The following GALNTL6 variants were observed in gnomAD, a reference collection of about 807,000 sequenced individuals.
The protein encoded by GALNTL6 is polypeptide N-acetylgalactosaminyltransferase-like 6.
A neutral mutation model predicts 73.7 loss-of-function variants in GALNTL6; 46 were observed. The observed-to-expected ratio is 0.62, with a 90% CI of 0.49 to 0.80. The LOEUF is 0.80. Among genes scored for constraint, GALNTL6 ranks in the 30% least tolerant of loss-of-function variants. The probability of loss-of-function intolerance (pLI) is 0.00; values close to 1 mark genes in which losing one functional copy is unlikely to be tolerated. For missense variants in GALNTL6, 604 were observed against 755.0 expected, an observed-to-expected ratio of 0.80 and a Z score of 2.34; for synonymous variants, 259 against 263.7, an observed-to-expected ratio of 0.98 and a Z score of 0.17.
chr4:172,662,943 G>C (rs1731454775), intron 5 of GALNTL6, among the ~76,000 whole-genome samples: 1 of 152,174 alleles, frequency 6.6e-6, no homozygotes, highest in Admixed American at 6.5e-5. Flanking sequence ...CTGGTACCTG[G>C]ATAAGGAGAA....
In GALNTL6 at chr4:172,969,334, A is replaced by G. The variant is rs565619370; in HGVS notation, c.1371+17076A>G. On this transcript the variant is annotated intron_variant, in intron 10 of 12. Transcript: ENST00000506823. ...AAAAGAGAACAAAAAGAATTTGTCA[A>G]TGATTTGGAACAATAAGTGAAGGAG... is the stretch of plus-strand genomic sequence containing the variant. Among the ~76,000 whole-genome samples the G allele has an allele frequency of 1.7e-4, 26 of 152,276 alleles. No homozygotes were observed. The South Asian group carries it at 3.9e-3, about 23-fold the overall frequency.
At chr4:172,112,139 T>C (rs1485328061) in intron 2 of GALNTL6, among the ~76,000 whole-genome samples, 3 of 152,166 alleles carry the variant, frequency 2.0e-5, no homozygotes, top group Middle Eastern at 3.4e-3. Context: ...AAATGTCATA[T>C]CCATCCAGTA....
In GALNTL6 at chr4:172,394,298, A is replaced by G. The variant is rs189822687; in HGVS notation, c.553+45609A>G. On this transcript the variant is annotated intron_variant, in intron 5 of 12. Transcript: ENST00000506823. ...GTGAATTATAACCATAAAAATTGTT[A>G]TTTGTATTCACATATTATAATGTGA... 5.3e-5 allele frequency among the ~76,000 whole-genome samples: 8 copies of G among 152,136 alleles called. No homozygotes were observed. The East Asian group carries it at 1.5e-3, about 29-fold the overall frequency.
At chr4:172,990,411 CA>C (rs1220541340) in intron 10 of GALNTL6, among the ~76,000 whole-genome samples, 4 of 151,934 alleles carry the variant, frequency 2.6e-5, no homozygotes, top group African/African-American at 9.7e-5. Context: ...CTCTGAAAAA[CA>C]GAACAAAAAA....
intron 5 of GALNTL6, among the ~76,000 whole-genome samples, chr4:172,578,275 A>C (rs1366082252): frequency 6.6e-6 from 1 of 152,212 alleles, no homozygotes; most frequent in Non-Finnish European, 1.5e-5. Context: ...TCTTTCAATA[A>C]TTGAGTCTTT....
chr4:172,336,719 G>A (rs1236377281), intron 4 of GALNTL6, among the ~76,000 whole-genome samples: 1 of 152,126 alleles, frequency 6.6e-6, no homozygotes, highest in African/African-American at 2.4e-5. Context: ...TGTGTATTCT[G>A]TGGTTGATTG....
At chr4:171,869,194 T>C (rs112517651) in intron 2 of GALNTL6, among the ~76,000 whole-genome samples, 16 of 152,210 alleles carry the variant, frequency 1.1e-4, no homozygotes, top group African/African-American at 3.9e-4. Context: ...CTTGTCCCTA[T>C]CACAGGGCCA....
chr4:172,445,197 C>T (rs188864433), intron 5 of GALNTL6, among the ~76,000 whole-genome samples: 45 of 152,230 alleles, frequency 3.0e-4, no homozygotes, highest in African/African-American at 9.6e-4. Context: ...TATCAGCATC[C>T]GTAGCCACAG....
chr4:171,905,773 C>CTTTCTG (rs1266558036), intron 2 of GALNTL6, among the ~76,000 whole-genome samples: 1 of 151,632 alleles, frequency 6.6e-6, no homozygotes, highest in East Asian at 1.9e-4. Context: ...TATAAAAGAA[C>CTTTCTG]AGAAATTATA....
At chr4:172,073,505 C>G (rs1393358939) in intron 2 of GALNTL6, among the ~76,000 whole-genome samples, 1 of 152,148 alleles carries the variant, frequency 6.6e-6, no homozygotes, top group African/African-American at 2.4e-5. Flanking sequence ...CTGGAGATAA[C>G]AGCTGGCTGC....
At chr4:172,107,640 C>T (rs907923539) in intron 2 of GALNTL6, among the ~76,000 whole-genome samples, 2 of 129,688 alleles carry the variant, frequency 1.5e-5, no homozygotes, top group African/African-American at 6.1e-5. Context: ...AACACATGGA[C>T]ACAGGAAGGG....
At chr4:171,887,980 T>C (rs1736651444) in intron 2 of GALNTL6, among the ~76,000 whole-genome samples, 1 of 151,974 alleles carries the variant, frequency 6.6e-6, no homozygotes, top group Admixed American at 6.6e-5. Flanking sequence ...GATCCACTAA[T>C]AAAGAGTACT....
intron 5 of GALNTL6, among the ~76,000 whole-genome samples, chr4:172,744,843 G>A (rs757930739): frequency 0.24 from 27,301 of 111,788 alleles, 3,040 homozygotes; most frequent in Middle Eastern, 0.38. Context: ...GCGCGTGCGT[G>A]TGTGTGTGTG....
intron 2 of GALNTL6, among the ~76,000 whole-genome samples, chr4:171,939,192 T>C (rs1738446611): frequency 6.6e-6 from 1 of 152,068 alleles, no homozygotes; most frequent in South Asian, 2.1e-4. Context: ...TACTCACTCA[T>C]GATCAAATGT....
At chr4:171,835,674 G>A (rs1403780622) in intron 2 of GALNTL6, among the ~76,000 whole-genome samples, 1 of 151,864 alleles carries the variant, frequency 6.6e-6, no homozygotes, top group Admixed American at 6.6e-5. Context: ...AGTGAAAATA[G>A]TCATGTATAA....
chr4:172,588,321 T>C (rs1212821723), intron 5 of GALNTL6, among the ~76,000 whole-genome samples: 1 of 151,992 alleles, frequency 6.6e-6, no homozygotes, highest in Non-Finnish European at 1.5e-5. Context: ...AGACAAGGCG[T>C]AGTGGCTCAT....
rs528668993 is a variant in GALNTL6, at chr4:171,913,821, A to C, written c.138+99103A>C. 3.3e-5 allele frequency among the ~76,000 whole-genome samples: 5 copies of C among 151,612 alleles called. No homozygotes were observed. In the South Asian group the frequency reaches 1.0e-3, roughly 31 times the overall value. On this transcript the variant is annotated intron_variant, in intron 2 of 12. Coordinates refer to ENST00000506823, the MANE Select transcript of GALNTL6 (RefSeq NM_001034845.3). ...CAGTACTACATATTATGTTTGAAAA[A>C]AGTATGGATTTAGCACAATAAAAAG...
chr4:172,385,749 A>C (rs1743442482), intron 5 of GALNTL6, among the ~76,000 whole-genome samples: 1 of 151,924 alleles, frequency 6.6e-6, no homozygotes, highest in African/African-American at 2.4e-5. Context: ...TAATTACTTA[A>C]TTGACTTTTA....
chr4:172,439,220 T>C lies in GALNTL6; in HGVS notation c.553+90531T>C, dbSNP rs553404360. Reference sequence around the variant, plus strand: ...CACACACACACACACACTTCTCACATTCTTTCTGTTTTTCTCAACTTACCC... The same window carrying C: ...CACACACACACACACACTTCTCACACTCTTTCTGTTTTTCTCAACTTACCC... On this transcript the variant is annotated intron_variant, in intron 5 of 12. Transcript: ENST00000506823. Among the ~76,000 whole-genome samples, 12 of 147,842 alleles carry C rather than the reference T, an allele frequency of 8.1e-5. No homozygotes were observed. In the South Asian group the frequency reaches 2.6e-3, roughly 32 times the overall value.
Sources: gnomAD v4.1 joint callset for allele counts (sites outside exome capture counted in the v4.1 genomes callset) on GRCh38, gnomAD v4.1.1 for gene constraint, MANE v1.5 for transcripts, NCBI Gene and HGNC (gene_info 2026-07-23, HGNC 2026-07-21) for gene names.